The following KCNA6 variants were observed in gnomAD, a reference collection of about 807,000 sequenced individuals.
The protein encoded by KCNA6 is potassium voltage-gated channel subfamily A member 6.
KCNA6 carries 17 observed loss-of-function variants against 29.5 expected under a neutral mutation model. The observed-to-expected ratio is 0.58, with a 90% CI of 0.39 to 0.86. KCNA6 has a LOEUF of 0.86. KCNA6 is among the 40% of genes least tolerant of loss of function. The probability of loss-of-function intolerance (pLI) is 0.00; values close to 1 mark genes in which losing one functional copy is unlikely to be tolerated. For synonymous variants in KCNA6, 296 were observed against 304.7 expected, an observed-to-expected ratio of 0.97 and a Z score of 0.30; for missense variants, 450 against 703.4, an observed-to-expected ratio of 0.64 and a Z score of 4.07.
At chr12:4,841,491 T>A in the KCNA6 span, among the ~76,000 whole-genome samples, 1 of 152,178 alleles carries the variant, frequency 6.6e-6, no homozygotes. Flanking sequence ...CCTAAAGTGC[T>A]CTATCAGATG....
chr12:4,831,535 C>T, the KCNA6 span, among the ~76,000 whole-genome samples: 1 of 152,172 alleles, frequency 6.6e-6, no homozygotes, highest in African/African-American at 2.4e-5. Context: ...ACCTCCCAGC[C>T]ATGGGAGCTG....
At chr12:4,841,308 A>G in the KCNA6 span, among the ~76,000 whole-genome samples, 15 of 152,192 alleles carry the variant, frequency 9.9e-5, 1 homozygote, top group East Asian at 1.5e-3. Flanking sequence ...TTGGCAATTT[A>G]TTAAGATTAT....
the KCNA6 span, among the ~76,000 whole-genome samples, chr12:4,846,236 G>T: frequency 2.0e-5 from 3 of 152,088 alleles, no homozygotes; most frequent in Admixed American, 1.3e-4. Flanking sequence ...TGGATTTTGG[G>T]ATTAGGGATG....
chr12:4,810,148 G>A lies in KCNA6; in HGVS notation c.107G>A (p.Gly36Asp), dbSNP rs778048441. The A allele has an allele frequency of 1.2e-6, 2 of 1,605,906 alleles. No homozygotes were observed. Among genetic ancestry groups the A allele is most frequent in the Non-Finnish European group, 1.7e-6 (2 of 1,176,524 alleles). ...TTCCCGGAGGCCGGCGGGGGCGGGG[G>A]CTGCTGTAGTAGCGAGCGGCTGGTG... The change falls in exon 1 of 1, where the codon GGC becomes GAC. Residue 36 changes from glycine (G) to aspartate (D), a missense_variant. Transcript: ENST00000280684. This position sits in a 1 kb window ranked among gnomAD's most constrained non-coding sequence, Gnocchi z 7.5.
chr12:4,820,546 A>AACACACACACACACACACACACAC, the KCNA6 span, among the ~76,000 whole-genome samples: 2 of 134,674 alleles, frequency 1.5e-5, no homozygotes, highest in Non-Finnish European at 3.2e-5. Context: ...GGATTACCTA[A>AACACACACACACACACACACACAC]ACACACACAC....
the KCNA6 span, among the ~76,000 whole-genome samples, chr12:4,821,211 G>A: frequency 6.6e-6 from 1 of 152,208 alleles, no homozygotes; most frequent in African/African-American, 2.4e-5. Context: ...CCATAAATCA[G>A]CCAGGCACTC....
chr12:4,840,314 A>G, the KCNA6 span, among the ~76,000 whole-genome samples: 10 of 152,158 alleles, frequency 6.6e-5, no homozygotes, highest in Non-Finnish European at 1.3e-4. Flanking sequence ...CCCAACAAAA[A>G]GTGGGCAAAA....
chr12:4,809,812 G>A, exon 1 of KCNA6: 1 of 474,838 alleles, frequency 2.1e-6, no homozygotes, highest in East Asian at 3.3e-5. Flanking sequence ...CGGGTAACGG[G>A]AAGCGCAGAA....
Position 4,811,733 on chromosome 12 carries a change from C to G in KCNA6, c.*102C>G, listed in dbSNP as rs750176769. On this transcript the variant is annotated 3_prime_UTR_variant, in exon 1 of 1. Coordinates refer to ENST00000280684, the Ensembl canonical transcript of KCNA6. The surrounding 1 kb of genome is among the most constrained non-coding windows in gnomAD (Gnocchi z 7.1). ...ACTCTAGCTTCAGTTGACTTCTTGA[C>G]TCTCTCCCCTACACCCACTACCTGG... 1.5e-5 allele frequency: 21 copies of G among 1,371,224 alleles called. No homozygotes were observed. Among genetic ancestry groups the G allele is most frequent in the Non-Finnish European group, 1.9e-5 (19 of 997,570 alleles). 84.9% of individuals were successfully genotyped at this position (1,371,224 alleles called of 1,614,324 possible).
downstream of KCNA6, chr12:4,814,264 C>T (rs904525312): frequency 3.6e-5 from 6 of 167,020 alleles, no homozygotes; most frequent in African/African-American, 9.7e-5. This position sits in a 1 kb window ranked among gnomAD's most constrained non-coding sequence, Gnocchi z 4.6. Flanking sequence ...TTCAAGCTGT[C>T]GAGGGGAGCC....
the KCNA6 span, among the ~76,000 whole-genome samples, chr12:4,823,765 T>C: frequency 6.6e-6 from 1 of 152,122 alleles, no homozygotes; most frequent in Non-Finnish European, 1.5e-5. Context: ...AGACTCCATC[T>C]CAAATAAATA....
At chr12:4,835,260 G>C in the KCNA6 span, among the ~76,000 whole-genome samples, 8 of 136,598 alleles carry the variant, frequency 5.9e-5, no homozygotes, top group Non-Finnish European at 9.3e-5. Flanking sequence ...TCAGCCTCCC[G>C]AGTAGCTGGG....
chr12:4,834,923 G>A, the KCNA6 span, among the ~76,000 whole-genome samples: 2 of 152,060 alleles, frequency 1.3e-5, no homozygotes, highest in East Asian at 1.9e-4. Context: ...AAAGGTGCCC[G>A]GTCTGACCCA....
Position 4,810,736 on chromosome 12 carries a change from AC to A in KCNA6, c.696del (p.Tyr232Ter). ...GAAGAGGAGGATGAAGACGATTCCT[AC>A]ACATTTCATCATGGCATCACCCCTG... On this transcript the variant is annotated frameshift_variant, in exon 1 of 1. Transcript: ENST00000280684. LOFTEE classifies it high-confidence loss of function. The surrounding 1 kb of genome is among the most constrained non-coding windows in gnomAD (Gnocchi z 7.5). 4 of 1,611,406 alleles carry A rather than the reference AC, an allele frequency of 2.5e-6. No individual in the cohort carries two copies. Among genetic ancestry groups the A allele is most frequent in the Non-Finnish European group, 3.4e-6 (4 of 1,178,596 alleles).
the KCNA6 span, among the ~76,000 whole-genome samples, chr12:4,841,995 T>C: frequency 6.6e-6 from 1 of 150,520 alleles, no homozygotes; most frequent in African/African-American, 2.5e-5. Flanking sequence ...AAAGATTTCT[T>C]CCTTTTATGG....
chr12:4,837,910 G>A, the KCNA6 span, among the ~76,000 whole-genome samples: 1 of 151,872 alleles, frequency 6.6e-6, no homozygotes, highest in African/African-American at 2.4e-5. Context: ...GCCTGAGTGT[G>A]GGCTCTGCAG....
chr12:4,814,364 G>C (rs116290603), downstream of KCNA6: 1 of 167,036 alleles, frequency 6.0e-6, no homozygotes, highest in Non-Finnish European at 1.5e-5. The surrounding 1 kb of genome is among the most constrained non-coding windows in gnomAD (Gnocchi z 4.6). Flanking sequence ...TCCCATCTCC[G>C]CAGAGGCAGG....
chr12:4,834,122 A>T, the KCNA6 span, among the ~76,000 whole-genome samples: 1 of 151,910 alleles, frequency 6.6e-6, no homozygotes, highest in East Asian at 1.9e-4. Context: ...TTTTGTAGAG[A>T]CAGGGTCTTG....
At chr12:4,831,367 C>G in the KCNA6 span, among the ~76,000 whole-genome samples, 248 of 152,262 alleles carry the variant, frequency 1.6e-3, 1 homozygote, top group African/African-American at 5.9e-3. Context: ...AGCAGCCAGC[C>G]AAGTTAGTAC....
Sources: allele counts gnomAD v4.1 joint callset (sites outside exome capture counted in the v4.1 genomes callset), GRCh38; gene constraint gnomAD v4.1.1; non-coding constraint Gnocchi (gnomAD v3.1); transcripts MANE v1.5; gene names NCBI Gene and HGNC (gene_info 2026-07-23, HGNC 2026-07-21).